The following PAXBP1 variants were observed in gnomAD, a reference collection of about 807,000 sequenced individuals.
The protein encoded by PAXBP1 is PAX3 and PAX7 binding protein 1.
Under a neutral mutation model 119.9 loss-of-function variants are expected in PAXBP1, and 44 were observed. That is an observed-to-expected ratio of 0.37 (90% CI 0.29 to 0.47). The LOEUF is 0.47. Ranked by LOEUF, PAXBP1 falls within the 20% of genes least tolerant of loss-of-function variation. PAXBP1 has a pLI of 0.99. For synonymous variants in PAXBP1, 393 were observed against 406.6 expected (o/e 0.97, Z 0.40); for missense variants, 898 against 1,134.1 (o/e 0.79, Z 2.99).
chr21:32,755,653 T>C (rs949544924), intron 7 of PAXBP1: 11 of 211,374 alleles, frequency 5.2e-5, no homozygotes, highest in Middle Eastern at 1.6e-3. Flanking sequence ...TTTTAGAGCT[T>C]TTCCCTTAGA....
In PAXBP1 at chr21:32,734,989, G is replaced by C; in HGVS notation, c.2715C>G (p.His905Gln). 6.2e-7 allele frequency: 1 copy of C among 1,613,752 alleles called. No individual in the cohort carries two copies. Among genetic ancestry groups the C allele is most frequent in the Non-Finnish European group, 8.5e-7 (1 of 1,179,848 alleles). Residue 905 changes from histidine to glutamine, a missense_variant, in exon 18 of 18, where the codon CAC becomes CAG. His to Gln is a conservative substitution (Grantham distance 24). Around this residue, in one of 2 missense-constraint regions of PAXBP1, gnomAD observed 599 missense variants for 852.7 expected, o/e 0.70. Transcript: ENST00000331923. Reference protein sequence around the residue: ...LDHAMSVASDHNVKEFKSLIE... With the variant: ...LDHAMSVASDQNVKEFKSLIE... ...TCAAAGACTTAAATTCTTTCACATT[G>C]TGGTCACTTGCAACAGACATAGCAT...
At chr21:32,735,697 G>A (rs1217228748) in intron 17 of PAXBP1, among the ~76,000 whole-genome samples, 1 of 152,202 alleles carries the variant, frequency 6.6e-6, no homozygotes, top group African/African-American at 2.4e-5. Flanking sequence ...GAGGCCCAGA[G>A]TGGGGCCCCG....
chr21:32,762,314 T>G lies in PAXBP1; in HGVS notation c.653A>C (p.Glu218Ala), dbSNP rs1189866446. ...ATGTATAAAAGCTGCATCTGGAATT[T>G]CTCCTAGAAACAAATGGTAAGAATA... Reference protein sequence around the residue: ...LSSLNVLRPGEIPDAAFIHAA... With the variant: ...LSSLNVLRPGAIPDAAFIHAA... Residue 218 changes from glutamate (E) to alanine (A), a missense_variant, in exon 4 of 18, where the codon GAA becomes GCA. Physicochemically the swap from Glu to Ala is moderately radical, Grantham distance 107 (BLOSUM62 -1). Transcript: ENST00000331923. 1 of 1,612,882 alleles carries G rather than the reference T, an allele frequency of 6.2e-7. No individual in the cohort carries two copies. Among genetic ancestry groups the G allele is most frequent in the Non-Finnish European group, 8.5e-7 (1 of 1,179,338 alleles).
In PAXBP1 at chr21:32,762,080, A is replaced by G; in HGVS notation, c.871+16T>C. On this transcript the variant is annotated intron_variant, in intron 4 of 17. Coordinates refer to ENST00000331923, the MANE Select transcript of PAXBP1 (RefSeq NM_016631.4). Reference sequence around the variant, plus strand: ...AGGCAATGCAATAGGCTTACTATTCAATTAAATCAAGTTACCTATTTCCTC... The same window carrying G: ...AGGCAATGCAATAGGCTTACTATTCGATTAAATCAAGTTACCTATTTCCTC... The G allele has an allele frequency of 6.2e-7, 1 of 1,613,678 alleles. No homozygotes were observed. Among genetic ancestry groups the G allele is most frequent in the Non-Finnish European group, 8.5e-7 (1 of 1,179,696 alleles).
intron 6 of PAXBP1, 129 bp downstream of exon 6, chr21:32,759,648 T>C (rs1245959217): frequency 3.8e-6 from 3 of 796,846 alleles, no homozygotes; most frequent in Non-Finnish European, 6.2e-6. Context: ...AGTCATCTTC[T>C]GTTTAGCTTT....
At chr21:32,759,569 G>A in intron 6 of PAXBP1, 1 of 613,160 alleles carries the variant, frequency 1.6e-6, no homozygotes, top group East Asian at 2.8e-5. Context: ...AGATCATGGA[G>A]TGGCATTTTT....
rs1450594358 is a variant in PAXBP1, at chr21:32,764,495, C to T, written c.502G>A (p.Val168Ile). Residue 168 changes from valine to isoleucine, a missense_variant, in exon 3 of 18, where the codon GTT becomes ATT. By Grantham distance (29) the Val-to-Ile change is conservative. Coordinates refer to ENST00000331923, the MANE Select transcript of PAXBP1 (RefSeq NM_016631.4). ...CCATCTTCTTGATTTGTATCCTTAA[C>T]ATGTCCTGTTTTGTCCAAAGGTTGT... ...SEQPLDKTGH[V>I]KDTNQEDGVI... 1.9e-6 allele frequency: 3 copies of T among 1,612,918 alleles called. 1 individual carries two copies. The East Asian group carries it at 6.7e-5, about 36-fold the overall frequency.
At chr21:32,758,420 G>A (rs1315299388) in intron 7 of PAXBP1, among the ~76,000 whole-genome samples, 3 of 151,000 alleles carry the variant, frequency 2.0e-5, no homozygotes, top group African/African-American at 4.9e-5. Context: ...CAATTAGGAG[G>A]TCATTTGAGA....
intron 7 of PAXBP1, chr21:32,756,213 G>A (rs1465932620): frequency 2.0e-6 from 1 of 495,916 alleles, no homozygotes; most frequent in Non-Finnish European, 4.0e-6. Context: ...ATAATCAAAT[G>A]CTATGAGACT....
intron 3 of PAXBP1, among the ~76,000 whole-genome samples, chr21:32,763,063 A>ATG (rs2044177161): frequency 6.6e-6 from 1 of 151,824 alleles, no homozygotes; most frequent in African/African-American, 2.4e-5. Context: ...ATCATACTAA[A>ATG]TATTTAATTT....
intron 7 of PAXBP1, 119 bp downstream of exon 7, chr21:32,758,961 C>T: frequency 1.1e-6 from 1 of 944,868 alleles, no homozygotes; most frequent in Non-Finnish European, 1.6e-6. Flanking sequence ...GACTTTTCAT[C>T]ACTTCTAATG....
chr21:32,758,944 G>T, intron 7 of PAXBP1, 136 bp downstream of exon 7: 1 of 801,666 alleles, frequency 1.2e-6, no homozygotes, highest in Non-Finnish European at 1.9e-6. Flanking sequence ...GAAGAAAAAT[G>T]AAGCATGACT....
intron 3 of PAXBP1, among the ~76,000 whole-genome samples, chr21:32,763,994 C>CAA (rs5843566): frequency 2.2e-4 from 22 of 101,714 alleles, no homozygotes; most frequent in African/African-American, 3.5e-4. Flanking sequence ...CCTCAAAAAG[C>CAA]AAAAAAAAAA....
At position 32,748,570 on chromosome 21, in the gene PAXBP1, T is replaced by C. The variant is rs755573314; in HGVS notation, c.1852A>G (p.Ile618Val). Reference protein sequence around the residue: ...KYYTSYKDAYIGLCLPKLFNP... With the variant: ...KYYTSYKDAYVGLCLPKLFNP... ...AATAATTTTGGCAAACAAAGGCCAA[T>C]GTAAGCATCTTTGTAGGATGTGTAG... Residue 618 changes from isoleucine to valine, a missense_variant, in exon 11 of 18, where the codon ATT becomes GTT. Transcript: ENST00000331923. The C allele has an allele frequency of 1.1e-5, 17 of 1,614,096 alleles. No homozygotes were observed. In the African/African-American group the frequency reaches 1.5e-4, roughly 14 times the overall value.
intron 10 of PAXBP1, among the ~76,000 whole-genome samples, chr21:32,750,603 G>A (rs558489802): frequency 2.0e-5 from 3 of 152,222 alleles, no homozygotes; most frequent in African/African-American, 7.2e-5. Context: ...TACCTTTCCA[G>A]ACCAGACAGG....
At position 32,759,926 on chromosome 21, in the gene PAXBP1, G is replaced by A. The variant is rs2044110527; in HGVS notation, c.1044C>T (p.Gly348=). Residue 348 remains glycine (G), a synonymous_variant, in exon 6 of 18, where the codon GGC becomes GGT. Coordinates refer to ENST00000331923, the MANE Select transcript of PAXBP1 (RefSeq NM_016631.4). ...YQNTYQTMPY[G]SSYGIPYSYT... ...AACTATAAGGAATGCCATAGGATGA[G>A]CCGTAAGGCATTGTCTGGTAAGTGT... The A allele has an allele frequency of 9.3e-6, 15 of 1,613,876 alleles. No individual in the cohort carries two copies. Among genetic ancestry groups the A allele is most frequent in the Non-Finnish European group, 1.1e-5 (13 of 1,179,844 alleles).
At chr21:32,744,972 C>G in intron 12 of PAXBP1, 59 bp from the exon 13 acceptor site, 1 of 1,535,438 alleles carries the variant, frequency 6.5e-7, no homozygotes, top group Non-Finnish European at 8.8e-7. Flanking sequence ...AATTTTTTGT[C>G]AAGCAGACCT....
chr21:32,765,890 C>CAGCACT (rs57047195), intron 2 of PAXBP1, among the ~76,000 whole-genome samples: 1 of 151,382 alleles, frequency 6.6e-6, no homozygotes, highest in African/African-American at 2.4e-5. Context: ...CCTGTAATCC[C>CAGCACT]CTGGGAGGCC....
intron 17 of PAXBP1, among the ~76,000 whole-genome samples, chr21:32,737,005 C>T (rs971227012): frequency 5.9e-5 from 9 of 152,108 alleles, no homozygotes; most frequent in African/African-American, 1.9e-4. Flanking sequence ...ACAGAGAAAA[C>T]AACCGTTTAC....
Sources: allele counts gnomAD v4.1 joint callset (sites outside exome capture counted in the v4.1 genomes callset), GRCh38; gene constraint gnomAD v4.1.1; regional missense constraint gnomAD v4.1.1; transcripts MANE v1.5; gene names NCBI Gene and HGNC (gene_info 2026-07-23, HGNC 2026-07-21).